The following CD248 variants were observed in gnomAD, a reference collection of about 807,000 sequenced individuals.
CD248 encodes CD248 molecule, also known as endosialin.
Under a neutral mutation model 8.0 loss-of-function variants are expected in CD248, and 7 were observed. The observed-to-expected ratio is 0.88, with a 90% confidence interval of 0.50 to 1.64. CD248 has a LOEUF of 1.64. Ranked by LOEUF, CD248 falls within the 40% of genes most tolerant of loss-of-function variation. The pLI, the probability that CD248 is intolerant of heterozygous loss-of-function variation, is 0.00. For synonymous variants in CD248, 418 were observed against 437.1 expected (o/e 0.96, Z 0.54); for missense variants, 912 against 1,027.2 (o/e 0.89, Z 1.53).
chr11:66,316,353 C>T lies in CD248; in HGVS notation c.675G>A (p.Arg225=), dbSNP rs1365464979. The T allele has an allele frequency of 3.1e-6, 5 of 1,612,522 alleles. No individual in the cohort carries two copies. In the South Asian group the frequency reaches 4.4e-5, roughly 14 times the overall value. Residue 225 remains arginine, a synonymous_variant, in exon 1 of 1, where the codon CGG becomes CGA. Coordinates refer to ENST00000311330, the MANE Select transcript of CD248 (RefSeq NM_020404.3). ...CAGTCCCCAGGCACAGGGGCCCAGC[C>T]CGTGACCAGCCCACACCTCCCTCAG... is the stretch of plus-strand genomic sequence containing the variant. ...KQPEGGVGWS[R]AGPLCLGTGC...
In CD248 at chr11:66,314,894, G is replaced by A. The variant is rs747726735; in HGVS notation, c.2134C>T (p.Arg712Cys). The A allele has an allele frequency of 1.4e-5, 22 of 1,612,022 alleles. No individual in the cohort carries two copies. The highest frequency in any genetic ancestry group is 9.3e-5 in the African/African-American group (7 of 74,898). Residue 712 changes from arginine (R) to cysteine (C), a missense_variant, in exon 1 of 1, where the codon CGC (arginine) becomes TGC (cysteine). Coordinates refer to ENST00000311330, the MANE Select transcript of CD248 (RefSeq NM_020404.3). The surrounding 1 kb of genome is among the most constrained non-coding windows in gnomAD (Gnocchi z 4.0). ...TTGTTGGGTGCATGGGGGCCACAGC[G>A]GGTGCAGTACACGATGCCCAGTGCA... ...LLALGIVYCT[R>C]CGPHAPNKRI...
In CD248 at chr11:66,316,701, G is replaced by A. The variant is rs1426848971; in HGVS notation, c.327C>T (p.Asp109=). The change falls in exon 1 of 1, where the codon GAC becomes GAT. Residue 109 remains aspartate, a synonymous_variant. Coordinates refer to ENST00000311330, the MANE Select transcript of CD248 (RefSeq NM_020404.3). ...PLRGFTWTTG[D]QDTAFTNWAQ... ...CCCAGTTGGTGAAAGCCGTGTCCTG[G>A]TCCCCTGTGGTCCACGTGAAGCCGC... is the stretch of plus-strand genomic sequence containing the variant. 2 of 1,606,626 alleles carry A rather than the reference G, an allele frequency of 1.2e-6. No individual in the cohort carries two copies. The highest frequency in any genetic ancestry group is 2.7e-5 in the African/African-American group (2 of 74,876).
chr11:66,316,500 T>A lies in CD248; in HGVS notation c.528A>T (p.Pro176=). ...GGTGGAAGGGCGTGGTATACACGGCTGGGCCGGCCTGGCCCGCCTCATCTT... is the reference window on the plus strand; with the variant it reads ...GGTGGAAGGGCGTGGTATACACGGCAGGGCCGGCCTGGCCCGCCTCATCTT... ...ALQDEAGQAG[P]AVYTTPFHLV... is the part of the protein sequence containing the mutation. Residue 176 remains proline, a synonymous_variant, in exon 1 of 1, where the codon CCA becomes CCT. Coordinates refer to ENST00000311330, the MANE Select transcript of CD248 (RefSeq NM_020404.3). 1 of 1,596,098 alleles carries A rather than the reference T, an allele frequency of 6.3e-7. No individual in the cohort carries two copies. Among genetic ancestry groups the A allele is most frequent in the Non-Finnish European group, 8.5e-7 (1 of 1,178,406 alleles).
In CD248 at chr11:66,316,753, C is replaced by T. The variant is rs746250707; in HGVS notation, c.275G>A (p.Arg92Gln). ...CAGTGGGCGCTGCAGCTGGCATTGC[C>T]GGGCCTGCCGCTGCAGCCCGATCCA... ...LLWIGLQRQARQCQLQRPLRG... is the reference protein window; with the variant it reads ...LLWIGLQRQAQQCQLQRPLRG... Residue 92 changes from arginine to glutamine, a missense_variant, in exon 1 of 1, where the codon CGG (arginine) becomes CAG (glutamine). By Grantham distance (43) the Arg-to-Gln change is conservative. Transcript: ENST00000311330. 7 of 1,600,078 alleles carry T rather than the reference C, an allele frequency of 4.4e-6. No individual in the cohort carries two copies. The highest frequency in any genetic ancestry group is 1.1e-5 in the South Asian group (1 of 90,938).
chr11:66,314,747 C>CA lies in CD248; in HGVS notation c.*6dup, dbSNP rs1483395973. ...CCCCATACTCCATGAGGGGGGTCTG[C>CA]ACCCCATCACACGCTGGTTCTGCAG... On this transcript the variant is annotated 3_prime_UTR_variant, in exon 1 of 1. Coordinates refer to ENST00000311330, the MANE Select transcript of CD248 (RefSeq NM_020404.3). The surrounding 1 kb of genome is among the most constrained non-coding windows in gnomAD (Gnocchi z 4.0). 6.5e-7 allele frequency: 1 copy of CA among 1,543,700 alleles called. No individual in the cohort carries two copies.
rs1252365620 is a variant in CD248 at position 66,315,771 on chromosome 11, C to G, written c.1257G>C (p.Glu419Asp). 6.2e-7 allele frequency: 1 copy of G among 1,612,514 alleles called. No homozygotes were observed. The highest frequency in any genetic ancestry group is 2.2e-5 in the East Asian group (1 of 44,864). Residue 419 changes from glutamate (E) to aspartate (D), a missense_variant, in exon 1 of 1, where the codon GAG (glutamate) becomes GAC (aspartate). Transcript: ENST00000311330. This position sits in a 1 kb window ranked among gnomAD's most constrained non-coding sequence, Gnocchi z 4.3. Reference protein sequence around the residue: ...AYRPSFPEDREPQIPYPEPTW... With the variant: ...AYRPSFPEDRDPQIPYPEPTW... Reference sequence around the variant, plus strand: ...TGGGCTCCGGGTAGGGTATCTGTGGCTCTCTGTCCTCTGGGAAGCTCGGTC... The same window carrying G: ...TGGGCTCCGGGTAGGGTATCTGTGGGTCTCTGTCCTCTGGGAAGCTCGGTC...
At position 66,316,659 on chromosome 11, in the gene CD248, T is replaced by G. The variant is rs1854554446; in HGVS notation, c.369A>C (p.Gly123=). ...AFTNWAQPAS[G]GPCPAQRCVA... ...CACAGCGCTGGGCCGGGCAGGGGCC[T>G]CCAGAGGCTGGCTGGGCCCAGTTGG... Residue 123 remains glycine (G), a synonymous_variant, in exon 1 of 1, where the codon GGA becomes GGC. Coordinates refer to ENST00000311330, the MANE Select transcript of CD248 (RefSeq NM_020404.3). The G allele has an allele frequency of 6.2e-7, 1 of 1,606,012 alleles. No homozygotes were observed. Among genetic ancestry groups the G allele is most frequent in the Non-Finnish European group, 8.5e-7 (1 of 1,179,232 alleles).
At position 66,316,172 on chromosome 11, in the gene CD248, G is replaced by A. The variant is rs755663502; in HGVS notation, c.856C>T (p.Pro286Ser). The A allele has an allele frequency of 5.0e-6, 8 of 1,612,350 alleles. No homozygotes were observed. The South Asian group carries it at 5.5e-5, about 11-fold the overall frequency. The stretch of plus-strand genomic sequence containing the variant: ...CAGCTGTAGCCTTGTGGCCCACCGG[G>A]CTCACACTGCTGCTCGCACGGAGCC... The part of the protein sequence containing the change: ...AQAPCEQQCE[P>S]GGPQGYSCHC... The change falls in exon 1 of 1, where the codon CCC becomes TCC. Residue 286 changes from proline to serine, a missense_variant. Transcript: ENST00000311330.
In CD248 at chr11:66,316,209, G is replaced by T. The variant is rs1231171921; in HGVS notation, c.819C>A (p.Asp273Glu). Reference protein sequence around the residue: ...RLAADGRSCEDPCAQAPCEQQ... With the variant: ...RLAADGRSCEEPCAQAPCEQQ... ...GCTCGCACGGAGCCTGGGCACAGGG[G>T]TCCTCGCAACTGCGCCCGTCTGCTG... The change falls in exon 1 of 1, where the codon GAC becomes GAA. Residue 273 changes from aspartate (D) to glutamate (E), a missense_variant. Around this residue, in one of 3 missense-constraint regions of CD248, gnomAD observed 403 missense variants for 446.2 expected, o/e 0.90. Transcript: ENST00000311330. The T allele has an allele frequency of 1.2e-6, 2 of 1,613,026 alleles. No individual in the cohort carries two copies. Among genetic ancestry groups the T allele is most frequent in the Non-Finnish European group, 1.7e-6 (2 of 1,179,954 alleles).
In CD248 at chr11:66,315,477, G is replaced by C. The variant is rs1257011855; in HGVS notation, c.1551C>G (p.Ile517Met). The C allele has an allele frequency of 1.2e-6, 2 of 1,613,762 alleles. No homozygotes were observed. The highest frequency in any genetic ancestry group is 1.3e-5 in the African/African-American group (1 of 74,826). ...GGAAGAGCTCCGGATATTTGGTTGAGATCATAGGGGGCTGGTGGGCAGGAG... is the reference window on the plus strand; with the variant it reads ...GGAAGAGCTCCGGATATTTGGTTGACATCATAGGGGGCTGGTGGGCAGGAG... ...AQPPAHQPPM[I>M]STKYPELFPA... Residue 517 changes from isoleucine (I) to methionine (M), a missense_variant, in exon 1 of 1, where the codon ATC becomes ATG. This residue lies in a region of CD248 where 507 missense variants were observed against 562.2 expected (regional missense o/e 0.90). Coordinates refer to ENST00000311330, the MANE Select transcript of CD248 (RefSeq NM_020404.3). The surrounding 1 kb of genome is among the most constrained non-coding windows in gnomAD (Gnocchi z 4.3).
At position 66,316,071 on chromosome 11, in the gene CD248, G is replaced by A. The variant is rs141347429; in HGVS notation, c.957C>T (p.Ala319=). ...TGACACACATCTGCTGGCACACACC[G>A]GCAATCTGGCACTCATCTGTGTCCA... ...RCVDTDECQI[A]GVCQQMCVNY... The change falls in exon 1 of 1, where the codon GCC becomes GCT. Residue 319 remains alanine, a synonymous_variant. Transcript: ENST00000311330. 1.1e-5 allele frequency: 18 copies of A among 1,613,702 alleles called. No homozygotes were observed. Among genetic ancestry groups the A allele is most frequent in the African/African-American group, 9.3e-5 (7 of 75,060 alleles).
In CD248 at chr11:66,315,837, C is replaced by G; in HGVS notation, c.1191G>C (p.Trp397Cys). ...AGTCAGGCGGCTGCGTAGGCTCCAT[C>G]CACAGGATCCCAGGCATCTCCGTCC... ...GGWTEMPGIL[W>C]MEPTQPPDFA... The change falls in exon 1 of 1, where the codon TGG becomes TGC. Residue 397 changes from tryptophan (W) to cysteine (C), a missense_variant. Trp to Cys is a radical substitution (Grantham distance 215). Transcript: ENST00000311330. The surrounding 1 kb of genome is among the most constrained non-coding windows in gnomAD (Gnocchi z 4.3). 1.2e-6 allele frequency: 2 copies of G among 1,613,990 alleles called. No individual in the cohort carries two copies. The highest frequency in any genetic ancestry group is 1.7e-6 in the Non-Finnish European group (2 of 1,179,986).
At position 66,316,882 on chromosome 11, in the gene CD248, C is replaced by G; in HGVS notation, c.146G>C (p.Arg49Pro). The change falls in exon 1 of 1, where the codon CGG becomes CCG. Residue 49 changes from arginine to proline, a missense_variant. Around this residue, in one of 3 missense-constraint regions of CD248, gnomAD observed 403 missense variants for 446.2 expected, o/e 0.90. Transcript: ENST00000311330. Reference protein sequence around the residue: ...PRRRTFLEAWRACRELGGDLA... With the variant: ...PRRRTFLEAWPACRELGGDLA... ...GTCGCCCCCCAGCTCGCGGCAGGCCCGCCAGGCCTCCAGGAAGGTGCGGCG... is the reference window on the plus strand; with the variant it reads ...GTCGCCCCCCAGCTCGCGGCAGGCCGGCCAGGCCTCCAGGAAGGTGCGGCG... 1 of 1,549,606 alleles carries G rather than the reference C, an allele frequency of 6.5e-7. No homozygotes were observed.
Position 66,316,210 on chromosome 11 carries a change from T to A in CD248, c.818A>T (p.Asp273Val), listed in dbSNP as rs1017953810. 6.2e-7 allele frequency: 1 copy of A among 1,612,852 alleles called. No individual in the cohort carries two copies. The highest frequency in any genetic ancestry group is 1.7e-5 in the Admixed American group (1 of 60,012). ...RLAADGRSCEDPCAQAPCEQQ... is the reference protein window; with the variant it reads ...RLAADGRSCEVPCAQAPCEQQ... ...CTCGCACGGAGCCTGGGCACAGGGG[T>A]CCTCGCAACTGCGCCCGTCTGCTGC... The change falls in exon 1 of 1, where the codon GAC (aspartate) becomes GTC (valine). Residue 273 changes from aspartate (D) to valine (V), a missense_variant. Asp to Val is a radical substitution (Grantham distance 152). Coordinates refer to ENST00000311330, the MANE Select transcript of CD248 (RefSeq NM_020404.3).
chr11:66,316,629 G>A lies in CD248; in HGVS notation c.399C>T (p.Ala133=). 2 of 1,603,428 alleles carry A rather than the reference G, an allele frequency of 1.2e-6. No homozygotes were observed. Among genetic ancestry groups the A allele is most frequent in the Middle Eastern group, 1.7e-4 (1 of 5,962 alleles). The part of the protein sequence containing the change: ...GGPCPAQRCV[A]LEASGEHRWL... Reference sequence around the variant, plus strand: ...AGCGGTGCTCGCCACTTGCCTCCAGGGCCACACAGCGCTGGGCCGGGCAGG... The same window carrying A: ...AGCGGTGCTCGCCACTTGCCTCCAGAGCCACACAGCGCTGGGCCGGGCAGG... Residue 133 remains alanine, a synonymous_variant, in exon 1 of 1, where the codon GCC becomes GCT. Transcript: ENST00000311330.
chr11:66,315,961 A>G lies in CD248; in HGVS notation c.1067T>C (p.Met356Thr), dbSNP rs1854543171. 1 of 1,613,362 alleles carries G rather than the reference A, an allele frequency of 6.2e-7. No homozygotes were observed. The highest frequency in any genetic ancestry group is 8.5e-7 in the Non-Finnish European group (1 of 1,180,012). The change falls in exon 1 of 1, where the codon ATG becomes ACG. Residue 356 changes from methionine to threonine, a missense_variant. Around this residue, in one of 3 missense-constraint regions of CD248, gnomAD observed 507 missense variants for 562.2 expected, o/e 0.90. Coordinates refer to ENST00000311330, the MANE Select transcript of CD248 (RefSeq NM_020404.3). The surrounding 1 kb of genome is among the most constrained non-coding windows in gnomAD (Gnocchi z 4.3). ...GAGGTCCTGGGAAGCCTGGGCACCCATGGCCCCTGCAGGGCTGCAGCTGAT... is the reference window on the plus strand; with the variant it reads ...GAGGTCCTGGGAAGCCTGGGCACCCGTGGCCCCTGCAGGGCTGCAGCTGAT... ...DGISCSPAGA[M>T]GAQASQDLGD...
In CD248 at chr11:66,315,081, A is replaced by C. The variant is rs755582716; in HGVS notation, c.1947T>G (p.Asp649Glu). 6.4e-7 allele frequency: 1 copy of C among 1,564,928 alleles called. No individual in the cohort carries two copies. The highest frequency in any genetic ancestry group is 2.2e-5 in the East Asian group (1 of 44,486). The stretch of plus-strand genomic sequence containing the variant: ...ACAGGGCCAACTTGGGACTGGGGCC[A>C]TCTTCCCTTGGGATTTGGGGGGCTT... ...HSKAPQIPRE[D>E]GPSPKLALWL... Residue 649 changes from aspartate (D) to glutamate (E), a missense_variant, in exon 1 of 1, where the codon GAT (aspartate) becomes GAG (glutamate). Asp to Glu is a conservative substitution (Grantham distance 45). Transcript: ENST00000311330. This position sits in a 1 kb window ranked among gnomAD's most constrained non-coding sequence, Gnocchi z 4.3.
At position 66,315,865 on chromosome 11, in the gene CD248, C is replaced by T. The variant is rs1171354452; in HGVS notation, c.1163G>A (p.Gly388Asp). The change falls in exon 1 of 1, where the codon GGC becomes GAC. Residue 388 changes from glycine (G) to aspartate (D), a missense_variant. By Grantham distance (94) the Gly-to-Asp change is moderately conservative (BLOSUM62 -1). Coordinates refer to ENST00000311330, the MANE Select transcript of CD248 (RefSeq NM_020404.3). The surrounding 1 kb of genome is among the most constrained non-coding windows in gnomAD (Gnocchi z 4.3). The part of the protein sequence containing the change: ...EDEAWKAFNG[G>D]WTEMPGILWM... Reference sequence around the variant, plus strand: ...CAGGATCCCAGGCATCTCCGTCCAGCCACCGTTGAAGGCCTTCCAGGCCTC... The same window carrying T: ...CAGGATCCCAGGCATCTCCGTCCAGTCACCGTTGAAGGCCTTCCAGGCCTC... The T allele has an allele frequency of 6.2e-7, 1 of 1,613,970 alleles. No individual in the cohort carries two copies. The highest frequency in any genetic ancestry group is 1.3e-5 in the African/African-American group (1 of 75,026).
Position 66,315,119 on chromosome 11 carries a change from G to T in CD248, c.1909C>A (p.His637Asn). The change falls in exon 1 of 1, where the codon CAT becomes AAT. Residue 637 changes from histidine (H) to asparagine (N), a missense_variant. Transcript: ENST00000311330. This position sits in a 1 kb window ranked among gnomAD's most constrained non-coding sequence, Gnocchi z 4.3. ...ATTTGGGGGGCTTTGGAATGGGGAT[G>T]TGTAGGGCTGATGGGTGAGGTCTGG... ...TNQTSPISPT[H>N]PHSKAPQIPR... is the part of the protein sequence containing the mutation. 1 of 1,549,240 alleles carries T rather than the reference G, an allele frequency of 6.5e-7. No individual in the cohort carries two copies.
Sources: gnomAD v4.1 joint callset for allele counts on GRCh38, gnomAD v4.1.1 for gene constraint, gnomAD v4.1.1 regional missense constraint, Gnocchi (gnomAD v3.1) non-coding constraint, MANE v1.5 for transcripts, NCBI Gene and HGNC (gene_info 2026-07-23, HGNC 2026-07-21) for gene names.